The following NUTM2G variants were observed in gnomAD, a reference collection of about 807,000 sequenced individuals.
NUTM2G encodes the protein NUT family member 2G, also known as family with sequence similarity 22, member G.
Under a neutral mutation model 44.3 loss-of-function variants are expected in NUTM2G, and 29 were observed. That is an observed-to-expected ratio of 0.66 (90% CI 0.49 to 0.89). The LOEUF (loss-of-function observed/expected upper bound fraction) is 0.89, where lower values mean the gene tolerates loss of function less well. Ranked by LOEUF, NUTM2G falls within the 40% of genes least tolerant of loss-of-function variation. The pLI, the probability that NUTM2G is intolerant of heterozygous loss-of-function variation, is 0.00. For synonymous variants in NUTM2G, 205 were observed against 395.9 expected (o/e 0.52, Z 5.72); for missense variants, 502 against 946.5 (o/e 0.53, Z 6.16).
rs148225019 is a variant in NUTM2G at position 96,936,842 on chromosome 9, G to A, written c.983-222G>A. Among the ~76,000 whole-genome samples the A allele has an allele frequency of 3.6e-3, 546 of 152,318 alleles. 4 individuals are homozygous for A. The highest frequency in any genetic ancestry group is 0.012 in the African/African-American group (513 of 41,566). On this transcript the variant is annotated intron_variant, in intron 4 of 6. Transcript: ENST00000372322. ...TATGCTCTGCCCAGGAAGCAGAGAT[G>A]AGCCGGGAGAGTACACGGCATATCG...
chr9:96,940,740 G>C (rs945475767), downstream of NUTM2G, among the ~76,000 whole-genome samples: 1 of 151,602 alleles, frequency 6.6e-6, no homozygotes, highest in African/African-American at 2.4e-5. Context: ...ATGGCGGCCT[G>C]GTCCCTCTGC....
Position 96,937,095 on chromosome 9 carries a change from C to T in NUTM2G, c.1014C>T (p.Ala338=), listed in dbSNP as rs748171656. The T allele has an allele frequency of 2.5e-6, 4 of 1,610,570 alleles. No homozygotes were observed. The East Asian group carries it at 8.9e-5, about 36-fold the overall frequency. ...VYLPSKDGPK[A]PTACLPPPRP... is the part of the protein sequence containing the mutation. ...TTCCCAGCAAGGATGGCCCCAAGGCCCCGACTGCCTGCCTGCCACCACCCA... is the reference window on the plus strand; with the variant it reads ...TTCCCAGCAAGGATGGCCCCAAGGCTCCGACTGCCTGCCTGCCACCACCCA... Residue 338 remains alanine (A), a synonymous_variant, in exon 5 of 7, where the codon GCC becomes GCT. Coordinates refer to ENST00000372322, the MANE Select transcript of NUTM2G (RefSeq NM_001170741.3).
chr9:96,934,202 G>C (rs547681045), intron 2 of NUTM2G, among the ~76,000 whole-genome samples: 1 of 152,244 alleles, frequency 6.6e-6, no homozygotes, highest in South Asian at 2.1e-4. Context: ...GGGAGAGTTT[G>C]TGGTTTCATT....
intron 1 of NUTM2G, among the ~76,000 whole-genome samples, chr9:96,929,835 C>T (rs1348623680): frequency 1.3e-5 from 2 of 151,958 alleles, no homozygotes; most frequent in Admixed American, 6.6e-5. Context: ...GAAGAATTTG[C>T]TCCTGTTCCA....
At chr9:96,940,825 G>C (rs1454209149), downstream of NUTM2G, among the ~76,000 whole-genome samples, 1 of 152,294 alleles carries the variant, frequency 6.6e-6, no homozygotes, top group Middle Eastern at 3.2e-3. Flanking sequence ...CAGCCAGACA[G>C]ATGCCTCTCT....
rs755715552 is a variant in NUTM2G, at chr9:96,938,923, A to C, written c.2000A>C (p.Gln667Pro). ...GGAGCTCTTCAATCTCCATCTGCTC[A>C]GAAAAGAGGCCTCAGCCCATCACCT... ...PQGALQSPSA[Q>P]KRGLSPSPSP... The change falls in exon 7 of 7, where the codon CAG becomes CCG. Residue 667 changes from glutamine to proline, a missense_variant. Physicochemically the swap from Gln to Pro is moderately conservative, Grantham distance 76. Coordinates refer to ENST00000372322, the MANE Select transcript of NUTM2G (RefSeq NM_001170741.3). 1 of 1,584,950 alleles carries C rather than the reference A, an allele frequency of 6.3e-7. No individual in the cohort carries two copies. The highest frequency in any genetic ancestry group is 1.1e-5 in the South Asian group (1 of 88,058).
chr9:96,940,532 C>A (rs1826566677), downstream of NUTM2G, among the ~76,000 whole-genome samples: 1 of 150,642 alleles, frequency 6.6e-6, no homozygotes, highest in Non-Finnish European at 1.5e-5. Flanking sequence ...CAGGACCCAG[C>A]ACCTGCCCTG....
chr9:96,940,189 C>G (rs1020760920), downstream of NUTM2G: 2 of 147,538 alleles, frequency 1.4e-5, no homozygotes, highest in Non-Finnish European at 3.0e-5. Context: ...CCAGGAGAAG[C>G]TGGGGCCCAG....
In NUTM2G at chr9:96,938,630, C is replaced by G. The variant is rs1826525308; in HGVS notation, c.1707C>G (p.Ser569=). 8 of 1,600,082 alleles carry G rather than the reference C, an allele frequency of 5.0e-6. No homozygotes were observed. In the Admixed American group the frequency reaches 1.3e-4, roughly 27 times the overall value. Residue 569 remains serine (S), a synonymous_variant, in exon 7 of 7, where the codon TCC becomes TCG. Transcript: ENST00000372322. The part of the protein sequence containing the change: ...DPAVLLGCQD[S]PRLKAVRPTS... ...CTGTGCTTTTGGGATGTCAGGACTC[C>G]CCCAGGCTGAAGGCTGTCCGGCCAA...
chr9:96,932,480 G>GGACA (rs1826294749), intron 2 of NUTM2G, 62 bp downstream of exon 2: 1 of 1,124,244 alleles, frequency 8.9e-7, no homozygotes, highest in Admixed American at 2.1e-5. Context: ...GCTGCTGGAT[G>GGACA]GACAGGAGGT....
rs71231903 is a variant in NUTM2G, at chr9:96,931,805, T to G, written c.100T>G (p.Ser34Ala). The change falls in exon 2 of 7, where the codon TCT becomes GCT. Residue 34 changes from serine to alanine, a missense_variant. Coordinates refer to ENST00000372322, the MANE Select transcript of NUTM2G (RefSeq NM_001170741.3). ...VFTALPFATP[S>A]PGPTHRPPLV... is the part of the protein sequence containing the mutation. ...CACGGCTCTGCCCTTTGCCACACCC[T>G]CTCCCGGCCCAACACACAGGCCGCC... 21,852 of 1,602,296 alleles carry G rather than the reference T, an allele frequency of 0.014. 1,812 individuals carry two copies. The African/African-American group carries it at 0.18, about 13-fold the overall frequency.
In NUTM2G at chr9:96,937,978, G is replaced by C; in HGVS notation, c.1417G>C (p.Glu473Gln). 1.9e-6 allele frequency: 3 copies of C among 1,612,244 alleles called. No homozygotes were observed. Among genetic ancestry groups the C allele is most frequent in the Non-Finnish European group, 2.5e-6 (3 of 1,179,844 alleles). Residue 473 changes from glutamate to glutamine, a missense_variant, in exon 6 of 7, where the codon GAG (glutamate) becomes CAG (glutamine). Transcript: ENST00000372322. ...GGCCCTAAGCCAGGAGCTGGAGCAG[G>C]AGGAAGGACTCACCCTTGCCCAGGT... Reference protein sequence around the residue: ...FLALSQELEQEEGLTLAQLVE... With the variant: ...FLALSQELEQQEGLTLAQLVE...
intron 1 of NUTM2G, among the ~76,000 whole-genome samples, chr9:96,930,567 C>T (rs1167208618): frequency 2.0e-5 from 3 of 148,708 alleles, no homozygotes; most frequent in African/African-American, 7.5e-5. Flanking sequence ...TAGACACCTC[C>T]CCTGATAGCC....
intron 1 of NUTM2G, among the ~76,000 whole-genome samples, chr9:96,930,653 G>A (rs1826210375): frequency 6.7e-6 from 1 of 149,192 alleles, no homozygotes; most frequent in Non-Finnish European, 1.5e-5. Context: ...ATATCTCAGG[G>A]GACTCCACCA....
intron 3 of NUTM2G, among the ~76,000 whole-genome samples, chr9:96,935,940 G>A (rs1435226614): frequency 6.6e-6 from 1 of 150,560 alleles, no homozygotes; most frequent in African/African-American, 2.5e-5. Flanking sequence ...GGGCAGAACC[G>A]TCCGTGAAGA....
chr9:96,931,811 G>A lies in NUTM2G; in HGVS notation c.106G>A (p.Gly36Ser), dbSNP rs200734125. The change falls in exon 2 of 7, where the codon GGC becomes AGC. Residue 36 changes from glycine (G) to serine (S), a missense_variant. Transcript: ENST00000372322. ...TCTGCCCTTTGCCACACCCTCTCCC[G>A]GCCCAACACACAGGCCGCCCCTCGT... is the stretch of plus-strand genomic sequence containing the variant. ...TALPFATPSP[G>S]PTHRPPLVTA... The A allele has an allele frequency of 6.4e-5, 103 of 1,611,850 alleles. 3 individuals are homozygous for A. In the African/African-American group the frequency reaches 1.1e-3, roughly 17 times the overall value.
rs1826458379 is a variant in NUTM2G, at chr9:96,937,131, G to A, written c.1050G>A (p.Arg350=). Residue 350 remains arginine, a synonymous_variant, in exon 5 of 7, where the codon AGG becomes AGA. Transcript: ENST00000372322. ...GCCTGCCACCACCCAGGCCCCAGAG[G>A]CCAGCGGAGACCAAGGCCCACCTGC... ...TACLPPPRPQ[R]PAETKAHLPP... 2 of 1,611,856 alleles carry A rather than the reference G, an allele frequency of 1.2e-6. No individual in the cohort carries two copies. The highest frequency in any genetic ancestry group is 1.7e-6 in the Non-Finnish European group (2 of 1,179,758).
chr9:96,929,876 G>C (rs1826183268), intron 1 of NUTM2G, among the ~76,000 whole-genome samples: 1 of 151,300 alleles, frequency 6.6e-6, no homozygotes, highest in South Asian at 2.1e-4. Context: ...GGCGACAGGT[G>C]TGGATTCTTG....
At chr9:96,936,134 C>T (rs1356942008) in intron 3 of NUTM2G, among the ~76,000 whole-genome samples, 2 of 149,592 alleles carry the variant, frequency 1.3e-5, no homozygotes, top group African/African-American at 2.5e-5. Flanking sequence ...ACCCCACCCC[C>T]GGCCAGCTGA....
Sources: gnomAD v4.1 joint callset for allele counts (sites outside exome capture counted in the v4.1 genomes callset) on GRCh38, gnomAD v4.1.1 for gene constraint, MANE v1.5 for transcripts, NCBI Gene and HGNC (gene_info 2026-07-23, HGNC 2026-07-21) for gene names.